HCN1: variants seen among roughly 807,000 people sequenced by gnomAD.
The protein encoded by HCN1 is hyperpolarization activated cyclic nucleotide gated potassium channel 1, also known as potassium/sodium hyperpolarization-activated cyclic nucleotide-gated channel 1.
A neutral mutation model predicts 78.9 loss-of-function variants in HCN1; 13 were observed. That is an observed-to-expected ratio of 0.16 (90% CI 0.11 to 0.26). The LOEUF (loss-of-function observed/expected upper bound fraction) is 0.26. Among genes scored for constraint, HCN1 ranks in the 10% least tolerant of loss-of-function variants. HCN1 has a pLI of 1.00. For synonymous variants in HCN1, 552 were observed against 455.5 expected, an observed-to-expected ratio of 1.21 and a Z score of -2.70; for missense variants, 810 against 1,154.3, an observed-to-expected ratio of 0.70 and a Z score of 4.32.
Position 45,256,514 on chromosome 5 carries a change from T to A in HCN1, c.*5407A>T, listed in dbSNP as rs921497892. 1.3e-5 allele frequency: 2 copies of A among 152,168 alleles called. No individual in the cohort carries two copies. Among genetic ancestry groups the A allele is most frequent in the Non-Finnish European group, 2.9e-5 (2 of 68,036 alleles). 9.4% of individuals were successfully genotyped at this position (152,168 alleles called of 1,614,324 possible). ...ATATCTCCAATAGAAATTAAAGAACTGGCTTCACTTTTTTGTTTGTTTGGG... is the reference window on the plus strand; with the variant it reads ...ATATCTCCAATAGAAATTAAAGAACAGGCTTCACTTTTTTGTTTGTTTGGG... On this transcript the variant is annotated 3_prime_UTR_variant, in exon 8 of 8. Coordinates refer to ENST00000303230, the MANE Select transcript of HCN1 (RefSeq NM_021072.4).
chr5:45,430,875 CTT>C, intron 3 of HCN1, among the ~76,000 whole-genome samples: 1 of 152,046 alleles, frequency 6.6e-6, no homozygotes, highest in Non-Finnish European at 1.5e-5. Context: ...GATTCCATGT[CTT>C]TGCTATTGTG....
At chr5:45,346,429 T>A (rs985830799) in intron 5 of HCN1, among the ~76,000 whole-genome samples, 4 of 152,074 alleles carry the variant, frequency 2.6e-5, no homozygotes, top group African/African-American at 9.7e-5. Context: ...GCTCCCAGCG[T>A]GAGTGACACA....
intron 2 of HCN1, among the ~76,000 whole-genome samples, chr5:45,603,693 A>C (rs1561216913): frequency 2.6e-5 from 4 of 152,026 alleles, no homozygotes. Flanking sequence ...TAAAACAGTA[A>C]TCAATTGTGG....
intron 2 of HCN1, among the ~76,000 whole-genome samples, chr5:45,573,772 AT>A (rs753843900): frequency 1.3e-5 from 2 of 152,160 alleles, no homozygotes; most frequent in Non-Finnish European, 2.9e-5. Context: ...GGGAAATTAC[AT>A]TCGCAGTAGT....
chr5:45,354,326 A>C (rs535764239), intron 4 of HCN1, among the ~76,000 whole-genome samples: 3 of 152,162 alleles, frequency 2.0e-5, no homozygotes, highest in African/African-American at 7.2e-5. Flanking sequence ...TAGGTCTTAA[A>C]AATTTTGTTT....
In HCN1 at chr5:45,540,934, G is replaced by A. The variant is rs73101273; in HGVS notation, c.850-78927C>T. ...AAAGTATGTCTATAACATGAGGTGAGAGTATGTATTCTATTTGTCTTTCTT... is the reference window on the plus strand; with the variant it reads ...AAAGTATGTCTATAACATGAGGTGAAAGTATGTATTCTATTTGTCTTTCTT... On this transcript the variant is annotated intron_variant, in intron 2 of 7. Coordinates refer to ENST00000303230, the MANE Select transcript of HCN1 (RefSeq NM_021072.4). Among the ~76,000 whole-genome samples the A allele has an allele frequency of 8.2e-4, 125 of 152,228 alleles. 1 individual carries two copies. Among genetic ancestry groups the A allele is most frequent in the African/African-American group, 3.0e-3 (123 of 41,542 alleles).
intron 4 of HCN1, among the ~76,000 whole-genome samples, chr5:45,371,644 C>A (rs1268742036): frequency 6.7e-6 from 1 of 150,348 alleles, no homozygotes; most frequent in East Asian, 2.0e-4. Context: ...GTAATCCCAG[C>A]TACTCGTGAG....
intron 2 of HCN1, among the ~76,000 whole-genome samples, chr5:45,515,695 T>C (rs934833445): frequency 2.6e-5 from 4 of 151,976 alleles, no homozygotes; most frequent in African/African-American, 7.2e-5. Flanking sequence ...ATAGAGAGAA[T>C]ATAGACACAG....
At chr5:45,632,806 G>T (rs898711350) in intron 2 of HCN1, among the ~76,000 whole-genome samples, 1 of 151,938 alleles carries the variant, frequency 6.6e-6, no homozygotes, top group Non-Finnish European at 1.5e-5. Context: ...CACAGGTGTT[G>T]GAAGTGACTC....
chr5:45,354,049 C>CAG (rs144134719), intron 4 of HCN1, among the ~76,000 whole-genome samples: 23 of 149,912 alleles, frequency 1.5e-4, no homozygotes, highest in African/African-American at 3.4e-4. Context: ...CACACACACC[C>CAG]AGAGAGAGAG....
At chr5:45,595,248 C>T (rs1744462929) in intron 2 of HCN1, among the ~76,000 whole-genome samples, 1 of 152,180 alleles carries the variant, frequency 6.6e-6, no homozygotes, top group East Asian at 1.9e-4. Flanking sequence ...GCTGTGTTTC[C>T]CAGCTGGGTT....
intron 4 of HCN1, among the ~76,000 whole-genome samples, chr5:45,374,586 A>T (rs1440993272): frequency 6.7e-6 from 1 of 150,332 alleles, no homozygotes. Flanking sequence ...AAGTGCTGGT[A>T]GCATTTCTAC....
At chr5:45,651,652 T>C (rs536937058) in intron 1 of HCN1, among the ~76,000 whole-genome samples, 26 of 151,978 alleles carry the variant, frequency 1.7e-4, no homozygotes, top group Non-Finnish European at 2.8e-4. Flanking sequence ...TAGCATAAGG[T>C]GCCTTCTCTT....
chr5:45,695,944 C>A lies in HCN1; in HGVS notation c.150G>T (p.Ala50=). The part of the protein sequence containing the change: ...GTPPGGGGAG[A]KEHGNSVCFK... ...AGCACACGGAGTTGCCGTGCTCCTT[C>A]GCGCCGGCCCCGCCGCCCCCCGGCG... The change falls in exon 1 of 8, where the codon GCG becomes GCT. Residue 50 remains alanine, a synonymous_variant. Transcript: ENST00000303230. 2 of 1,359,542 alleles carry A rather than the reference C, an allele frequency of 1.5e-6. No individual in the cohort carries two copies. Among genetic ancestry groups the A allele is most frequent in the South Asian group, 3.6e-5 (2 of 55,412 alleles). The allele number at this position is 1,359,542 out of a possible 1,614,324, so 84.2% of individuals were successfully genotyped here. A position where few individuals can be genotyped will look rare whatever the true frequency, so the allele number is the denominator to read the frequency against.
At chr5:45,684,391 C>T (rs1281465474) in intron 1 of HCN1, among the ~76,000 whole-genome samples, 1 of 152,088 alleles carries the variant, frequency 6.6e-6, no homozygotes, top group Non-Finnish European at 1.5e-5. Flanking sequence ...AGATATATAT[C>T]CAGATCACAG....
rs139960810 is a variant in HCN1, at chr5:45,430,776, C to T, written c.1011+31070G>A. Among the ~76,000 whole-genome samples the T allele has an allele frequency of 2.7e-4, 41 of 152,016 alleles. 1 individual carries two copies. In the East Asian group the frequency reaches 6.8e-3, roughly 25 times the overall value. Reference sequence around the variant, plus strand: ...GGTGGAGCTTGCAGTGAGCTGAGGTCGCACCACTGGACTCCAGCCTGGGCG... The same window carrying T: ...GGTGGAGCTTGCAGTGAGCTGAGGTTGCACCACTGGACTCCAGCCTGGGCG... On this transcript the variant is annotated intron_variant, in intron 3 of 7. Transcript: ENST00000303230.
chr5:45,696,001 C>A lies in HCN1; in HGVS notation c.93G>T (p.Gly31=). The change falls in exon 1 of 8, where the codon GGG becomes GGT. Residue 31 remains glycine, a synonymous_variant. Transcript: ENST00000303230. ...CCAGGCGCTTCTCGGCCGCGGCCGG[C>A]CCCGCGCCCGTCGCGGACGCCTTGG... The part of the protein sequence containing the change: ...FPAKASATGA[G]PAAAEKRLGT... 1 of 1,299,972 alleles carries A rather than the reference C, an allele frequency of 7.7e-7. No homozygotes were observed. The highest frequency in any genetic ancestry group is 2.0e-5 in the South Asian group (1 of 51,180). The allele number at this position is 1,299,972 out of a possible 1,614,324, so 80.5% of individuals were successfully genotyped here. A position where few individuals can be genotyped will look rare whatever the true frequency, so the allele number is the denominator to read the frequency against.
chr5:45,588,213 A>G (rs1744275953), intron 2 of HCN1, among the ~76,000 whole-genome samples: 1 of 152,212 alleles, frequency 6.6e-6, no homozygotes, highest in Non-Finnish European at 1.5e-5. Context: ...ATAGCAGGGA[A>G]GTCAAGATAA....
At chr5:45,429,635 T>C (rs749952820) in intron 3 of HCN1, among the ~76,000 whole-genome samples, 2 of 152,228 alleles carry the variant, frequency 1.3e-5, no homozygotes, top group East Asian at 1.9e-4. Context: ...TATGAACTCA[T>C]GGCCAGAAAG....
Sources: allele counts gnomAD v4.1 joint callset (sites outside exome capture counted in the v4.1 genomes callset), GRCh38; gene constraint gnomAD v4.1.1; transcripts MANE v1.5; gene names NCBI Gene and HGNC (gene_info 2026-07-23, HGNC 2026-07-21).